Variants in SORCS2 observed in about 807,000 individuals in gnomAD.
SORCS2 encodes VPS10 domain-containing receptor SorCS2.
Under a neutral mutation model 141.6 loss-of-function variants are expected in SORCS2, and 100 were observed. The ratio of observed to expected loss-of-function variants is 0.71; its 90% CI spans 0.60 to 0.83. SORCS2 has a LOEUF of 0.83. SORCS2 is among the 40% of genes least tolerant of loss of function. The pLI is 0.00. For missense variants in SORCS2, 1,646 were observed against 1,560.2 expected (o/e 1.05, Z -0.93); for synonymous variants, 789 against 676.9 (o/e 1.17, Z -2.57).
intron 1 of SORCS2, among the ~76,000 whole-genome samples, chr4:7,386,581 CACAT>C (rs1387631002): frequency 2.4e-4 from 34 of 142,104 alleles, no homozygotes; most frequent in African/African-American, 6.6e-4. Flanking sequence ...CACATGCACA[CACAT>C]ACACATTTGC....
At chr4:7,662,322 G>T (rs1407217378) in intron 6 of SORCS2, among the ~76,000 whole-genome samples, 1 of 151,188 alleles carries the variant, frequency 6.6e-6, no homozygotes, top group Non-Finnish European at 1.5e-5. Flanking sequence ...CTCAGGGGCA[G>T]TCCAGGTTTG....
chr4:7,357,990 T>C (rs1335593883), intron 1 of SORCS2, among the ~76,000 whole-genome samples: 1 of 152,224 alleles, frequency 6.6e-6, no homozygotes, highest in Non-Finnish European at 1.5e-5. Context: ...CCTCTGTGCA[T>C]GCTTCCTCCT....
intron 1 of SORCS2, among the ~76,000 whole-genome samples, chr4:7,330,185 C>T (rs762598604): frequency 1.4e-4 from 22 of 151,970 alleles, no homozygotes; most frequent in South Asian, 1.0e-3. Context: ...TCTACAGGGA[C>T]ACGTGTGATT....
At chr4:7,379,639 G>A (rs959582547) in intron 1 of SORCS2, among the ~76,000 whole-genome samples, 1 of 152,202 alleles carries the variant, frequency 6.6e-6, no homozygotes, top group Non-Finnish European at 1.5e-5. Context: ...GCAGAGGGAT[G>A]GGTAACCTGC....
In SORCS2 at chr4:7,411,691, A is replaced by G. The variant is rs545942329; in HGVS notation, c.548+15336A>G. Among the ~76,000 whole-genome samples, 28 of 152,280 alleles carry G rather than the reference A, an allele frequency of 1.8e-4. 1 individual carries two copies. In the South Asian group the frequency reaches 5.0e-3, roughly 27 times the overall value. On this transcript the variant is annotated intron_variant, in intron 2 of 26. Coordinates refer to ENST00000507866, the MANE Select transcript of SORCS2 (RefSeq NM_020777.3). Reference sequence around the variant, plus strand: ...GGTGGGGTGAGCTATGATAACTGATATCTAAGACTCAGAGTTTAGTAGGGG... The same window carrying G: ...GGTGGGGTGAGCTATGATAACTGATGTCTAAGACTCAGAGTTTAGTAGGGG...
chr4:7,638,720 G>C (rs115446200), intron 4 of SORCS2, among the ~76,000 whole-genome samples: 1 of 152,190 alleles, frequency 6.6e-6, no homozygotes, highest in African/African-American at 2.4e-5. Flanking sequence ...TGAGCGAGGT[G>C]GTGGTGGGCA....
At chr4:7,446,435 C>A (rs1205218011) in intron 2 of SORCS2, among the ~76,000 whole-genome samples, 1 of 152,194 alleles carries the variant, frequency 6.6e-6, no homozygotes, top group East Asian at 1.9e-4. Flanking sequence ...CACAATTCTA[C>A]CCATAGGGTC....
chr4:7,623,100 C>T (rs1719309621), intron 3 of SORCS2, among the ~76,000 whole-genome samples: 1 of 152,066 alleles, frequency 6.6e-6, no homozygotes, highest in Admixed American at 6.5e-5. Flanking sequence ...ACCCCCCCGA[C>T]TGGCAGCCAG....
chr4:7,682,687 T>G (rs1377742407), intron 9 of SORCS2, 56 bp from the exon 10 acceptor site: 1 of 1,534,160 alleles, frequency 6.5e-7, no homozygotes, highest in Non-Finnish European at 8.8e-7. Flanking sequence ...GGTGGATACT[T>G]GGTCATCAGA....
rs769124303 is a variant in SORCS2, at chr4:7,275,346, A to G, written c.480+82220A>G. Among the ~76,000 whole-genome samples, 76 of 152,302 alleles carry G rather than the reference A, an allele frequency of 5.0e-4. 1 individual carries two copies. Among genetic ancestry groups the G allele is most frequent in the Non-Finnish European group, 8.8e-4 (60 of 68,020 alleles). ...AGGTCTGATCACAGAGTACTTTCCA[A>G]TGAAATGTATCCAAATAAACCTGAG... On this transcript the variant is annotated intron_variant, in intron 1 of 26. Transcript: ENST00000507866.
Position 7,330,150 on chromosome 4 carries a change from C to T in SORCS2, c.481-66138C>T, listed in dbSNP as rs1254033983. Among the ~76,000 whole-genome samples the T allele has an allele frequency of 4.6e-5, 7 of 151,616 alleles. No homozygotes were observed. The South Asian group carries it at 6.3e-4, about 14-fold the overall frequency. ...CCGCCTGTCCTGGCTCCTGCTTGGTCGTCCAATCTCCCTCTTCCTCCTGCT... is the reference window on the plus strand; with the variant it reads ...CCGCCTGTCCTGGCTCCTGCTTGGTTGTCCAATCTCCCTCTTCCTCCTGCT... On this transcript the variant is annotated intron_variant, in intron 1 of 26. Coordinates refer to ENST00000507866, the MANE Select transcript of SORCS2 (RefSeq NM_020777.3).
chr4:7,267,502 T>A (rs975305463), intron 1 of SORCS2, among the ~76,000 whole-genome samples: 1 of 152,128 alleles, frequency 6.6e-6, no homozygotes, highest in African/African-American at 2.4e-5. Flanking sequence ...CAGAACTCGC[T>A]GGATACATGG....
rs1293197227 is a variant in SORCS2 at position 7,192,635 on chromosome 4, C to T, written c.-12C>T. ...CGCCCCGCCGCCGGCTCCGCTGCCGCCCCTGGCGACCATGGCGCACCGGGG... is the reference window on the plus strand; with the variant it reads ...CGCCCCGCCGCCGGCTCCGCTGCCGTCCCTGGCGACCATGGCGCACCGGGG... On this transcript the variant is annotated 5_prime_UTR_variant, in exon 1 of 27. Coordinates refer to ENST00000507866, the MANE Select transcript of SORCS2 (RefSeq NM_020777.3). The surrounding 1 kb of genome is among the most constrained non-coding windows in gnomAD (Gnocchi z 4.0). 2.0e-6 allele frequency: 2 copies of T among 987,498 alleles called. No homozygotes were observed. Among genetic ancestry groups the T allele is most frequent in the Non-Finnish European group, 1.2e-6 (1 of 832,314 alleles). 61.2% of individuals were successfully genotyped at this position (987,498 alleles called of 1,614,324 possible). A position where few individuals can be genotyped will look rare whatever the true frequency, so the allele number is the denominator to read the frequency against.
intron 2 of SORCS2, among the ~76,000 whole-genome samples, chr4:7,481,160 C>T (rs567685542): frequency 7.2e-5 from 11 of 152,260 alleles, no homozygotes; most frequent in Non-Finnish European, 1.6e-4. Context: ...ACCCAGCATG[C>T]ACCTGAGTGG....
chr4:7,206,612 C>G (rs920503102), intron 1 of SORCS2, among the ~76,000 whole-genome samples: 11 of 152,080 alleles, frequency 7.2e-5, no homozygotes, highest in African/African-American at 2.7e-4. Context: ...TTGTTTCTTG[C>G]CTGAGAGGAG....
Position 7,211,092 on chromosome 4 carries a change from T to C in SORCS2, c.480+17966T>C, listed in dbSNP as rs573588778. 7.9e-5 allele frequency among the ~76,000 whole-genome samples: 12 copies of C among 152,356 alleles called. No individual in the cohort carries two copies. The South Asian group carries it at 2.5e-3, about 32-fold the overall frequency. ...AAGAAATTTTTGCATTTTTGCATTTTTTTCTTAAGTCAATAAATTCTGACT... is the reference window on the plus strand; with the variant it reads ...AAGAAATTTTTGCATTTTTGCATTTCTTTCTTAAGTCAATAAATTCTGACT... On this transcript the variant is annotated intron_variant, in intron 1 of 26. Coordinates refer to ENST00000507866, the MANE Select transcript of SORCS2 (RefSeq NM_020777.3).
At chr4:7,387,534 T>C (rs1577482965) in intron 1 of SORCS2, among the ~76,000 whole-genome samples, 1 of 117,936 alleles carries the variant, frequency 8.5e-6, no homozygotes, top group Non-Finnish European at 1.7e-5. Context: ...TATGCACACA[T>C]GCACACACAT....
chr4:7,526,825 A>G (rs1027186104), intron 2 of SORCS2, among the ~76,000 whole-genome samples: 7 of 152,258 alleles, frequency 4.6e-5, no homozygotes, highest in African/African-American at 1.2e-4. Context: ...AATAAAGCCT[A>G]TGGGTTTAAA....
chr4:7,374,990 C>G (rs1260715847), intron 1 of SORCS2, among the ~76,000 whole-genome samples: 1 of 152,138 alleles, frequency 6.6e-6, no homozygotes, highest in Non-Finnish European at 1.5e-5. Context: ...CATTTGTATC[C>G]TCAGAGGGCA....
Sources: gnomAD v4.1 joint callset for allele counts (sites outside exome capture counted in the v4.1 genomes callset) on GRCh38, gnomAD v4.1.1 for gene constraint, Gnocchi (gnomAD v3.1) non-coding constraint, MANE v1.5 for transcripts, NCBI Gene and HGNC (gene_info 2026-07-23, HGNC 2026-07-21) for gene names.